Variants in TGFA observed in about 807,000 individuals in gnomAD.
The protein encoded by TGFA is transforming growth factor alpha.
TGFA carries 12 observed loss-of-function variants against 21.7 expected under a neutral mutation model. The observed-to-expected ratio is 0.55, with a 90% CI of 0.35 to 0.90. The LOEUF (loss-of-function observed/expected upper bound fraction) is 0.90, where lower values mean the gene tolerates loss of function less well. TGFA is among the 40% of genes least tolerant of loss of function. TGFA has a pLI of 0.01. For missense variants in TGFA, 178 were observed against 210.8 expected (o/e 0.84, Z 0.96); for synonymous variants, 79 against 88.1 (o/e 0.90, Z 0.58).
intron 2 of TGFA, among the ~76,000 whole-genome samples, chr2:70,505,452 T>C (rs927083254): frequency 6.6e-6 from 1 of 152,162 alleles, no homozygotes; most frequent in Non-Finnish European, 1.5e-5. Flanking sequence ...TGTTAGGTGA[T>C]TAATCGTATT....
intron 1 of TGFA, among the ~76,000 whole-genome samples, chr2:70,547,774 T>C (rs1395783188): frequency 2.0e-5 from 3 of 147,728 alleles, no homozygotes; most frequent in Non-Finnish European, 3.0e-5. Context: ...ATATGCTATA[T>C]ATGTAATATA....
At chr2:70,464,786 A>G (rs946004316) in intron 3 of TGFA, among the ~76,000 whole-genome samples, 1 of 152,178 alleles carries the variant, frequency 6.6e-6, no homozygotes, top group African/African-American at 2.4e-5. Flanking sequence ...TTTGTCTCTA[A>G]GCTGGTCTCC....
intron 3 of TGFA, among the ~76,000 whole-genome samples, chr2:70,465,128 G>A (rs148576350): frequency 7.9e-5 from 12 of 152,256 alleles, no homozygotes; most frequent in East Asian, 5.8e-4. Flanking sequence ...TTTCTAAGTC[G>A]CTTCTGGTTC....
chr2:70,454,018 C>A (rs1670143109), intron 4 of TGFA, among the ~76,000 whole-genome samples: 1 of 149,126 alleles, frequency 6.7e-6, no homozygotes, highest in African/African-American at 2.5e-5. Context: ...AAAAAAAAAG[C>A]CCCAAAAGAA....
At chr2:70,512,321 C>A (rs112178859) in intron 2 of TGFA, among the ~76,000 whole-genome samples, 7 of 152,124 alleles carry the variant, frequency 4.6e-5, no homozygotes, top group African/African-American at 1.7e-4. Context: ...GCTCAGTGAC[C>A]CATCAAACAG....
chr2:70,465,519 C>T (rs762782785), intron 3 of TGFA, 97 bp downstream of exon 3: 45 of 1,495,414 alleles, frequency 3.0e-5, no homozygotes, highest in East Asian at 1.4e-4. Context: ...CCAGGGGTCT[C>T]GGAGCCTCTG....
chr2:70,519,616 T>A (rs1672388803), intron 1 of TGFA, among the ~76,000 whole-genome samples: 1 of 152,086 alleles, frequency 6.6e-6, no homozygotes, highest in Admixed American at 6.5e-5. Context: ...GATATTAAGG[T>A]CAAAAGTAGC....
At chr2:70,460,764 T>A (rs543740222) in intron 3 of TGFA, among the ~76,000 whole-genome samples, 2 of 152,132 alleles carry the variant, frequency 1.3e-5, no homozygotes, top group Non-Finnish European at 2.9e-5. Flanking sequence ...TTGGCTGTGG[T>A]GATGGTGCCA....
At chr2:70,470,698 T>C (rs1318049264) in intron 2 of TGFA, among the ~76,000 whole-genome samples, 3 of 152,194 alleles carry the variant, frequency 2.0e-5, no homozygotes, top group Non-Finnish European at 4.4e-5. Flanking sequence ...GTGGTCTCGC[T>C]CTGTGTATTC....
At chr2:70,546,757 GT>G (rs1299441504) in intron 1 of TGFA, among the ~76,000 whole-genome samples, 2 of 151,912 alleles carry the variant, frequency 1.3e-5, no homozygotes, top group African/African-American at 2.4e-5. Context: ...GTCTCACTAT[GT>G]TGCCCAGGCT....
intron 1 of TGFA, among the ~76,000 whole-genome samples, chr2:70,540,448 C>A (rs1426655364): frequency 6.6e-6 from 1 of 152,080 alleles, no homozygotes; most frequent in African/African-American, 2.4e-5. Flanking sequence ...ATAAACTATT[C>A]AATAAATGAT....
At chr2:70,485,761 G>A (rs1158970881) in intron 2 of TGFA, among the ~76,000 whole-genome samples, 1 of 152,108 alleles carries the variant, frequency 6.6e-6, no homozygotes, top group Non-Finnish European at 1.5e-5. Context: ...ATGCTACAAA[G>A]ACATTATAGC....
At chr2:70,457,993 C>T (rs568707378) in intron 3 of TGFA, among the ~76,000 whole-genome samples, 10 of 152,302 alleles carry the variant, frequency 6.6e-5, no homozygotes, top group Admixed American at 6.5e-4. Context: ...CTAACCTTCG[C>T]TTTTAGATTA....
At chr2:70,521,606 G>GTTTTTTTTTTTTTTTTTTTTT (rs1559133439) in intron 1 of TGFA, among the ~76,000 whole-genome samples, 1 of 98,222 alleles carries the variant, frequency 1.0e-5, no homozygotes. Flanking sequence ...TTTTTTTGTT[G>GTTTTTTTTTTTTTTTTTTTTT]TTGTTTGTTT....
At chr2:70,542,037 C>G (rs1383982196) in intron 1 of TGFA, among the ~76,000 whole-genome samples, 1 of 152,148 alleles carries the variant, frequency 6.6e-6, no homozygotes. Flanking sequence ...TCCAACTGCG[C>G]TCGGTGACAA....
rs540324418 is a variant in TGFA at position 70,449,358 on chromosome 2, A to G, written c.*1501T>C. Reference sequence around the variant, plus strand: ...AAGAGTTAATACATAGAAATCTTTCACTTTTCAGATATTAGTAGCATTTCC... The same window carrying G: ...AAGAGTTAATACATAGAAATCTTTCGCTTTTCAGATATTAGTAGCATTTCC... On this transcript the variant is annotated 3_prime_UTR_variant, in exon 6 of 6. Coordinates refer to ENST00000295400, the MANE Select transcript of TGFA (RefSeq NM_003236.4). The G allele has an allele frequency of 6.6e-6, 1 of 152,632 alleles. No individual in the cohort carries two copies. The highest frequency in any genetic ancestry group is 2.1e-4 in the South Asian group (1 of 4,844). 9.5% of individuals were successfully genotyped at this position (152,632 alleles called of 1,614,324 possible).
At chr2:70,542,479 G>A (rs1239737893) in intron 1 of TGFA, among the ~76,000 whole-genome samples, 1 of 152,144 alleles carries the variant, frequency 6.6e-6, no homozygotes, top group South Asian at 2.1e-4. Context: ...CTCATTGTAA[G>A]AATCTAATAT....
chr2:70,514,733 A>T, intron 2 of TGFA, 126 bp downstream of exon 2: 3 of 1,006,126 alleles, frequency 3.0e-6, no homozygotes, highest in Non-Finnish European at 4.6e-6. Flanking sequence ...GGGGGCAGAG[A>T]GGACTCCGGG....
intron 2 of TGFA, among the ~76,000 whole-genome samples, chr2:70,478,444 CA>C (rs1671003205): frequency 6.6e-6 from 1 of 151,950 alleles, no homozygotes; most frequent in Non-Finnish European, 1.5e-5. Flanking sequence ...TACAGTTCTC[CA>C]AATGGCCATG....
Sources: allele counts gnomAD v4.1 joint callset (sites outside exome capture counted in the v4.1 genomes callset), GRCh38; gene constraint gnomAD v4.1.1; transcripts MANE v1.5; gene names NCBI Gene and HGNC (gene_info 2026-07-23, HGNC 2026-07-21).